EVI5: variants seen among roughly 807,000 people sequenced by gnomAD.
EVI5 encodes ecotropic viral integration site 5 protein homolog.
A neutral mutation model predicts 112.0 loss-of-function variants in EVI5; 73 were observed. The ratio of observed to expected loss-of-function variants is 0.65; its 90% CI spans 0.54 to 0.79. The LOEUF (loss-of-function observed/expected upper bound fraction) is 0.79. Among genes scored for constraint, EVI5 ranks in the 30% least tolerant of loss-of-function variants. The pLI is 0.00. For missense variants in EVI5, 900 were observed against 968.8 expected (o/e 0.93, Z 0.94); for synonymous variants, 305 against 319.9 (o/e 0.95, Z 0.50).
intron 9 of EVI5, among the ~76,000 whole-genome samples, chr1:92,692,424 T>C (rs1282664423): frequency 1.3e-5 from 2 of 152,256 alleles, no homozygotes; most frequent in Non-Finnish European, 2.9e-5. Flanking sequence ...TTTTTGTCTA[T>C]ATGATGTCTC....
intron 18 of EVI5, among the ~76,000 whole-genome samples, chr1:92,565,948 C>CTAAAAAAAAA (rs1669381967): frequency 1.9e-5 from 1 of 51,858 alleles, no homozygotes; most frequent in Non-Finnish European, 3.0e-5. Flanking sequence ...CCAGCCCGAG[C>CTAAAAAAAAA]AAAAAAAAAA....
intron 1 of EVI5, among the ~76,000 whole-genome samples, chr1:92,771,904 G>T (rs1054841699): frequency 6.6e-6 from 1 of 151,840 alleles, no homozygotes; most frequent in Non-Finnish European, 1.5e-5. Flanking sequence ...GCCCAGGCTG[G>T]AGTGCAATGG....
At chr1:92,591,880 G>A (rs537001019) in intron 18 of EVI5, among the ~76,000 whole-genome samples, 15 of 152,156 alleles carry the variant, frequency 9.9e-5, no homozygotes, top group Non-Finnish European at 1.9e-4. Flanking sequence ...CTCAGCAAAC[G>A]TAAAACAACA....
intron 1 of EVI5, among the ~76,000 whole-genome samples, chr1:92,759,103 G>T (rs914219549): frequency 6.6e-6 from 1 of 152,004 alleles, no homozygotes; most frequent in Non-Finnish European, 1.5e-5. Context: ...GGTGGCGCAC[G>T]TTCCAGATAC....
At chr1:92,758,902 A>G (rs1681383585) in intron 1 of EVI5, among the ~76,000 whole-genome samples, 1 of 152,182 alleles carries the variant, frequency 6.6e-6, no homozygotes, top group Non-Finnish European at 1.5e-5. Flanking sequence ...ACTAGACAGC[A>G]GCCTAAAGAA....
At chr1:92,644,317 A>T (rs1660535648) in intron 13 of EVI5, among the ~76,000 whole-genome samples, 1 of 152,218 alleles carries the variant, frequency 6.6e-6, no homozygotes, top group Non-Finnish European at 1.5e-5. Context: ...CACCACGAGG[A>T]AGGAATTAGA....
intron 1 of EVI5, among the ~76,000 whole-genome samples, chr1:92,753,555 C>A (rs1039288346): frequency 6.6e-6 from 1 of 152,090 alleles, no homozygotes; most frequent in Non-Finnish European, 1.5e-5. Flanking sequence ...ATTTTACATT[C>A]TTTCTTTAAT....
At chr1:92,550,509 ATAT>A (rs1170182225) in intron 19 of EVI5, among the ~76,000 whole-genome samples, 1 of 150,902 alleles carries the variant, frequency 6.6e-6, no homozygotes, top group East Asian at 1.9e-4. Context: ...AAATATATAT[ATAT>A]TAAGGCAGGA....
chr1:92,720,027 G>T (rs1287829564), intron 2 of EVI5, among the ~76,000 whole-genome samples: 1 of 151,922 alleles, frequency 6.6e-6, no homozygotes, highest in Non-Finnish European at 1.5e-5. Context: ...AATAAAAGAG[G>T]ACACAAACAA....
chr1:92,670,430 C>A (rs1665674874), intron 10 of EVI5, among the ~76,000 whole-genome samples: 1 of 152,124 alleles, frequency 6.6e-6, no homozygotes, highest in African/African-American at 2.4e-5. Context: ...GTTCTCTATT[C>A]CTTCTTGACA....
At chr1:92,719,535 T>C (rs998220661) in intron 2 of EVI5, among the ~76,000 whole-genome samples, 1 of 151,984 alleles carries the variant, frequency 6.6e-6, no homozygotes, top group East Asian at 1.9e-4. Flanking sequence ...TAGGTATTGA[T>C]GGAACATATC....
chr1:92,728,729 A>T (rs1173389261), intron 2 of EVI5, among the ~76,000 whole-genome samples: 1 of 152,194 alleles, frequency 6.6e-6, no homozygotes, highest in Non-Finnish European at 1.5e-5. Flanking sequence ...TAGTCCAAAA[A>T]TATTAAACAG....
chr1:92,745,098 ATT>A (rs750800778), intron 1 of EVI5, among the ~76,000 whole-genome samples: 22 of 129,752 alleles, frequency 1.7e-4, no homozygotes, highest in South Asian at 2.4e-4. Flanking sequence ...TGCCAGGCTA[ATT>A]TTTTTTTTTT....
chr1:92,673,928 T>C (rs900328786), intron 10 of EVI5, among the ~76,000 whole-genome samples: 4 of 152,146 alleles, frequency 2.6e-5, no homozygotes, highest in Non-Finnish European at 4.4e-5. Flanking sequence ...ACAGAGACCT[T>C]ATAAACACAT....
intron 16 of EVI5, among the ~76,000 whole-genome samples, chr1:92,621,875 C>G (rs909850610): frequency 6.6e-6 from 1 of 152,132 alleles, no homozygotes; most frequent in Admixed American, 6.5e-5. Context: ...GTAATCCCAG[C>G]ACTTTGGGAG....
At chr1:92,592,879 G>A (rs1389833798) in intron 18 of EVI5, among the ~76,000 whole-genome samples, 1 of 152,146 alleles carries the variant, frequency 6.6e-6, no homozygotes, top group Non-Finnish European at 1.5e-5. Context: ...GGACGAAGTT[G>A]AATCTCTGAA....
At chr1:92,712,128 G>C (rs958123377) in intron 2 of EVI5, among the ~76,000 whole-genome samples, 2 of 152,100 alleles carry the variant, frequency 1.3e-5, no homozygotes, top group African/African-American at 4.8e-5. Flanking sequence ...GTAACAAAAA[G>C]ACCATAGCAA....
At chr1:92,715,100 G>A (rs1231723293) in intron 2 of EVI5, among the ~76,000 whole-genome samples, 1 of 151,964 alleles carries the variant, frequency 6.6e-6, no homozygotes, top group Admixed American at 6.6e-5. Flanking sequence ...CCGCCTCCCA[G>A]GTTCAAACAA....
intron 1 of EVI5, chr1:92,756,439 T>C: frequency 1.9e-6 from 1 of 539,880 alleles, no homozygotes; most frequent in Non-Finnish European, 3.8e-6. Flanking sequence ...GTATGGCTTC[T>C]TCGAGGATTA....
Sources: allele counts gnomAD v4.1 joint callset (sites outside exome capture counted in the v4.1 genomes callset), GRCh38; gene constraint gnomAD v4.1.1; transcripts MANE v1.5; gene names NCBI Gene and HGNC (gene_info 2026-07-23, HGNC 2026-07-21).